FAM91A1: variants seen among roughly 807,000 people sequenced by gnomAD.
FAM91A1 encodes the protein protein FAM91A1.
Under a neutral mutation model 113.5 loss-of-function variants are expected in FAM91A1, and 41 were observed. The observed-to-expected ratio is 0.36, with a 90% confidence interval of 0.28 to 0.47. FAM91A1 has a LOEUF of 0.47. Ranked by LOEUF, FAM91A1 falls within the 20% of genes least tolerant of loss-of-function variation. The pLI is 1.00. For missense variants in FAM91A1, 696 were observed against 1,001.2 expected (o/e 0.70, Z 4.11); for synonymous variants, 307 against 347.9 (o/e 0.88, Z 1.31).
At chr8:123,810,175 G>A (rs1043333308) in intron 22 of FAM91A1, 107 bp from the exon 23 acceptor site, 4 of 1,018,414 alleles carry the variant, frequency 3.9e-6, no homozygotes, top group Non-Finnish European at 5.7e-6. Flanking sequence ...TTTGTGATTG[G>A]CCAGGATATA....
intron 11 of FAM91A1, chr8:123,786,041 A>G: frequency 2.5e-6 from 1 of 405,626 alleles, no homozygotes; most frequent in Non-Finnish European, 4.8e-6. Flanking sequence ...CTGGTGTCGA[A>G]CTCCTGGCCC....
At chr8:123,778,320 A>C (rs184502269) in intron 5 of FAM91A1, among the ~76,000 whole-genome samples, 21 of 152,274 alleles carry the variant, frequency 1.4e-4, no homozygotes, top group Admixed American at 1.2e-3. Context: ...TTGTTCTCTT[A>C]GTCTTTTTAT....
chr8:123,800,192 C>G (rs897596244), intron 18 of FAM91A1, among the ~76,000 whole-genome samples: 1 of 151,578 alleles, frequency 6.6e-6, no homozygotes, highest in Non-Finnish European at 1.5e-5. Context: ...GGAATATGTT[C>G]CAAGACCCCC....
chr8:123,798,164 A>G lies in FAM91A1; in HGVS notation c.1486A>G (p.Lys496Glu). ...DPATCSRVLN[K>E]NYTLLVSMAP... is the part of the protein sequence containing the mutation. ...TGCAACTTGCAGCAGAGTTCTAAAC[A>G]AAAATTACACGCTGCTTGTTTCCAT... The change falls in exon 16 of 24, where the codon AAA (lysine) becomes GAA (glutamate). Residue 496 changes from lysine to glutamate, a missense_variant. Lys to Glu is a moderately conservative substitution (Grantham distance 56). Coordinates refer to ENST00000334705, the MANE Select transcript of FAM91A1 (RefSeq NM_144963.4). 6.2e-7 allele frequency: 1 copy of G among 1,614,194 alleles called. No individual in the cohort carries two copies. The highest frequency in any genetic ancestry group is 8.5e-7 in the Non-Finnish European group (1 of 1,180,008).
intron 2 of FAM91A1, 102 bp from the exon 3 acceptor site, chr8:123,775,045 A>G (rs1185788558): frequency 2.7e-6 from 3 of 1,116,604 alleles, no homozygotes; most frequent in Admixed American, 6.3e-5. Flanking sequence ...TGTAATTTAC[A>G]TACTTTTCTT....
intron 8 of FAM91A1, among the ~76,000 whole-genome samples, chr8:123,781,158 C>T (rs1815111168): frequency 6.6e-6 from 1 of 151,944 alleles, no homozygotes; most frequent in Non-Finnish European, 1.5e-5. Context: ...AGATTTCTTA[C>T]CAATTTATAG....
At chr8:123,796,519 G>A (rs1194206980) in intron 15 of FAM91A1, among the ~76,000 whole-genome samples, 1 of 150,236 alleles carries the variant, frequency 6.7e-6, no homozygotes, top group Admixed American at 6.6e-5. Context: ...GAGTGCAGTG[G>A]CACAATCTCG....
intron 15 of FAM91A1, among the ~76,000 whole-genome samples, chr8:123,792,333 A>T (rs905629036): frequency 1.3e-5 from 2 of 152,212 alleles, no homozygotes; most frequent in African/African-American, 4.8e-5. Flanking sequence ...TATACAAGCA[A>T]ACTCTGTTAT....
Position 123,805,352 on chromosome 8 carries a change from T to C in FAM91A1, c.1882+13T>C. On this transcript the variant is annotated intron_variant, in intron 19 of 23. Coordinates refer to ENST00000334705, the MANE Select transcript of FAM91A1 (RefSeq NM_144963.4). ...GAACTACAAGGAGGTACCTTTTGAA[T>C]TGTATCTATTGACTTTTTTTTTTTT... 1 of 1,587,352 alleles carries C rather than the reference T, an allele frequency of 6.3e-7. No homozygotes were observed. The highest frequency in any genetic ancestry group is 8.6e-7 in the Non-Finnish European group (1 of 1,166,662).
In FAM91A1 at chr8:123,779,983, A is replaced by G. The variant is rs776246128; in HGVS notation, c.550-2A>G. On this transcript the variant is annotated splice_acceptor_variant, in intron 6 of 23. Coordinates refer to ENST00000334705, the MANE Select transcript of FAM91A1 (RefSeq NM_144963.4). LOFTEE classifies it high-confidence loss of function. ...TAATTAAAAATATTTTGCTTTTCTT[A>G]GATATGCACTTTGCCTGAGAAATGC... 1 of 1,609,800 alleles carries G rather than the reference A, an allele frequency of 6.2e-7. No individual in the cohort carries two copies. The highest frequency in any genetic ancestry group is 8.5e-7 in the Non-Finnish European group (1 of 1,178,276).
chr8:123,772,762 T>C (rs1182753347), intron 1 of FAM91A1, among the ~76,000 whole-genome samples: 1 of 152,224 alleles, frequency 6.6e-6, no homozygotes, highest in Non-Finnish European at 1.5e-5. Context: ...CTATAACTGT[T>C]GACTGGAAGC....
intron 5 of FAM91A1, among the ~76,000 whole-genome samples, 164 bp downstream of exon 5, chr8:123,778,256 A>G (rs891858998): frequency 1.3e-5 from 2 of 152,216 alleles, no homozygotes; most frequent in African/African-American, 2.4e-5. Flanking sequence ...GTTATAGCAT[A>G]AATGATTATT....
At chr8:123,773,633 A>G (rs1814910779) in intron 1 of FAM91A1, among the ~76,000 whole-genome samples, 1 of 152,220 alleles carries the variant, frequency 6.6e-6, no homozygotes, top group South Asian at 2.1e-4. Context: ...TTTAATAATT[A>G]TAACCCTCAG....
In FAM91A1 at chr8:123,803,711, G is replaced by A. The variant is rs1183070298; in HGVS notation, c.1810-1556G>A. On this transcript the variant is annotated intron_variant, in intron 18 of 23. Coordinates refer to ENST00000334705, the MANE Select transcript of FAM91A1 (RefSeq NM_144963.4). ...AAATTTACCTTATTGGAATTTAAACGTGTTACAAATTAAGATTTTTGGTTA... is the reference window on the plus strand; with the variant it reads ...AAATTTACCTTATTGGAATTTAAACATGTTACAAATTAAGATTTTTGGTTA... Among the ~76,000 whole-genome samples the A allele has an allele frequency of 3.3e-5, 5 of 152,118 alleles. No individual in the cohort carries two copies. The South Asian group carries it at 6.2e-4, about 19-fold the overall frequency.
At chr8:123,772,973 G>A (rs1049119726) in intron 1 of FAM91A1, among the ~76,000 whole-genome samples, 1 of 152,124 alleles carries the variant, frequency 6.6e-6, no homozygotes, top group Non-Finnish European at 1.5e-5. Flanking sequence ...GGAGGAGGAG[G>A]AAATACAGGA....
intron 15 of FAM91A1, among the ~76,000 whole-genome samples, chr8:123,797,715 GAAGTTATATAC>G (rs903038548): frequency 6.6e-6 from 1 of 152,238 alleles, no homozygotes; most frequent in Non-Finnish European, 1.5e-5. Context: ...TGGGAAGTCT[GAAGTTATATAC>G]AGATTTTTGA....
intron 15 of FAM91A1, among the ~76,000 whole-genome samples, chr8:123,793,472 T>C (rs1027237403): frequency 6.6e-6 from 1 of 152,248 alleles, no homozygotes; most frequent in Non-Finnish European, 1.5e-5. Flanking sequence ...TTATGAATTC[T>C]TATCTTTTCA....
At chr8:123,807,353 A>G (rs1402994970) in intron 20 of FAM91A1, among the ~76,000 whole-genome samples, 1 of 151,988 alleles carries the variant, frequency 6.6e-6, no homozygotes, top group Admixed American at 6.6e-5. Context: ...TAATAAGACC[A>G]GGCCAGGCAT....
intron 8 of FAM91A1, 62 bp from the exon 9 acceptor site, chr8:123,784,408 A>T: frequency 1.7e-5 from 22 of 1,264,228 alleles, no homozygotes; most frequent in Non-Finnish European, 2.4e-5. Context: ...AGATATGTAA[A>T]TTATACTTTC....
Sources: allele counts gnomAD v4.1 joint callset (sites outside exome capture counted in the v4.1 genomes callset), GRCh38; gene constraint gnomAD v4.1.1; transcripts MANE v1.5; gene names NCBI Gene and HGNC (gene_info 2026-07-23, HGNC 2026-07-21).